The following PDE2A variants were observed in gnomAD, a reference collection of about 807,000 sequenced individuals.
PDE2A encodes the protein cGMP-dependent 3',5'-cyclic phosphodiesterase.
PDE2A carries 53 observed loss-of-function variants against 133.6 expected under a neutral mutation model. The ratio of observed to expected loss-of-function variants is 0.40; its 90% CI spans 0.32 to 0.50. The LOEUF is 0.50. PDE2A is among the 20% of genes least tolerant of loss of function. PDE2A has a pLI of 0.73. For missense variants in PDE2A, 796 were observed against 1,232.4 expected (o/e 0.65, Z 5.30); for synonymous variants, 491 against 490.2 (o/e 1.00, Z -0.02).
At chr11:72,602,625 G>A (rs946497641) in intron 4 of PDE2A, among the ~76,000 whole-genome samples, 1 of 152,160 alleles carries the variant, frequency 6.6e-6, no homozygotes, top group Admixed American at 6.5e-5. Context: ...AAGAGAAGTC[G>A]TTTTCTCAAG....
Position 72,602,147 on chromosome 11 carries a change from G to T in PDE2A, c.323+2991C>A, listed in dbSNP as rs116543745. On this transcript the variant is annotated intron_variant, in intron 4 of 30. Coordinates refer to ENST00000334456, the MANE Select transcript of PDE2A (RefSeq NM_002599.5). ...GATTGGCTGAGATGAAAGTGGAGCA[G>T]GGACGGTCTTTGCAAGGGAGCAAGC... 5.9e-3 allele frequency among the ~76,000 whole-genome samples: 897 copies of T among 152,328 alleles called. 13 individuals are homozygous for T. The highest frequency in any genetic ancestry group is 0.021 in the African/African-American group (857 of 41,562).
chr11:72,647,361 C>T (rs1432534133), intron 1 of PDE2A, among the ~76,000 whole-genome samples: 3 of 152,242 alleles, frequency 2.0e-5, no homozygotes, highest in African/African-American at 7.2e-5. Context: ...TCTCAGACTT[C>T]TCAGCAGCCG....
intron 11 of PDE2A, 85 bp from the exon 12 acceptor site, chr11:72,589,325 G>A: frequency 1.0e-6 from 1 of 995,810 alleles, no homozygotes; most frequent in Non-Finnish European, 1.6e-6. Flanking sequence ...AAATCTGGAA[G>A]TTTCAAAGAA....
At chr11:72,633,386 G>A (rs565503674) in intron 2 of PDE2A, among the ~76,000 whole-genome samples, 1 of 152,330 alleles carries the variant, frequency 6.6e-6, no homozygotes, top group East Asian at 1.9e-4. Flanking sequence ...CCCCAGGACT[G>A]AAGGGGGGAC....
At chr11:72,600,738 G>A (rs58303751) in intron 4 of PDE2A, among the ~76,000 whole-genome samples, 280 of 152,086 alleles carry the variant, frequency 1.8e-3, no homozygotes, top group Non-Finnish European at 2.7e-3. Context: ...CTCATGCTGG[G>A]GGTTGTGGGG....
chr11:72,584,225 G>T lies in PDE2A; in HGVS notation c.1626C>A (p.Ile542=). ...CATGGGCGATGCTGATGCCGCAGTA[G>T]ATGGAGAAGGCCGTCGCCAGGTCCT... ...FDEDLATAFS[I]YCGISIAHSL... Residue 542 remains isoleucine (I), a synonymous_variant, in exon 19 of 31, where the codon ATC becomes ATA. Transcript: ENST00000334456. 6.2e-7 allele frequency: 1 copy of T among 1,607,644 alleles called. No homozygotes were observed. The highest frequency in any genetic ancestry group is 8.5e-7 in the Non-Finnish European group (1 of 1,174,816).
At chr11:72,638,857 A>G (rs1022807707) in intron 2 of PDE2A, among the ~76,000 whole-genome samples, 2 of 152,238 alleles carry the variant, frequency 1.3e-5, no homozygotes, top group Admixed American at 6.5e-5. Context: ...ATGGCTACCC[A>G]AAGCCAGACA....
At chr11:72,579,507 T>TACCCC in intron 26 of PDE2A, 27 bp downstream of exon 26, 1 of 1,354,172 alleles carries the variant, frequency 7.4e-7, no homozygotes, top group Non-Finnish European at 1.0e-6. Flanking sequence ...TCCCCCTCAA[T>TACCCC]CCCCACCCCA....
chr11:72,658,130 T>A (rs1044987601), intron 1 of PDE2A: 1 of 456,120 alleles, frequency 2.2e-6, no homozygotes, highest in Non-Finnish European at 4.4e-6. Context: ...TCTCAGCTAA[T>A]CCTCCCATCC....
chr11:72,634,834 C>A (rs563996363), intron 2 of PDE2A, among the ~76,000 whole-genome samples: 1 of 152,364 alleles, frequency 6.6e-6, no homozygotes, highest in African/African-American at 2.4e-5. Flanking sequence ...CCCTCCTCAG[C>A]CTATACTGAG....
Position 72,590,222 on chromosome 11 carries a change from G to A in PDE2A, c.726C>T (p.Ala242=), listed in dbSNP as rs1224585348. Reference sequence around the variant, plus strand: ...GGAGCACTTTGAGCTGCAGGGAAGAGGCATCCAGGTCGTAGAGTTCCCCTG... The same window carrying A: ...GGAGCACTTTGAGCTGCAGGGAAGAAGCATCCAGGTCGTAGAGTTCCCCTG... ...QLCGELYDLD[A]SSLQLKVLQY... is the part of the protein sequence containing the mutation. Residue 242 remains alanine, a synonymous_variant, in exon 9 of 31, where the codon GCC becomes GCT. Coordinates refer to ENST00000334456, the MANE Select transcript of PDE2A (RefSeq NM_002599.5). This position sits in a 1 kb window ranked among gnomAD's most constrained non-coding sequence, Gnocchi z 4.8. 2 of 1,551,608 alleles carry A rather than the reference G, an allele frequency of 1.3e-6. No homozygotes were observed. The highest frequency in any genetic ancestry group is 1.7e-6 in the Non-Finnish European group (2 of 1,146,964).
intron 2 of PDE2A, among the ~76,000 whole-genome samples, chr11:72,634,103 GAGACGAGACCTCACGGGGAT>G (rs931545616): frequency 6.6e-6 from 1 of 152,202 alleles, no homozygotes; most frequent in African/African-American, 2.4e-5. Context: ...GAGAGCGCCA[GAGACGAGACCTCACGGGGAT>G]GGGGAGGGCC....
rs147043467 is a variant in PDE2A, at chr11:72,664,183, G to A, written c.71+9954C>T. On this transcript the variant is annotated intron_variant, in intron 1 of 30. Coordinates refer to ENST00000334456, the MANE Select transcript of PDE2A (RefSeq NM_002599.5). ...TCATGGAGCTGGGGCACTCTCCTCG[G>A]CCCCCCTCTGCCAACGCCCCTGGCC... 4.6e-5 allele frequency among the ~76,000 whole-genome samples: 7 copies of A among 152,104 alleles called. No individual in the cohort carries two copies. In the East Asian group the frequency reaches 1.4e-3, roughly 30 times the overall value.
chr11:72,617,078 G>C (rs1857510842), intron 2 of PDE2A, among the ~76,000 whole-genome samples: 1 of 152,232 alleles, frequency 6.6e-6, no homozygotes, highest in Non-Finnish European at 1.5e-5. Flanking sequence ...CCTTGTCCCA[G>C]AGTCCTGCTT....
chr11:72,584,015 T>G (rs78960769), intron 19 of PDE2A, among the ~76,000 whole-genome samples, 186 bp downstream of exon 19: 6,482 of 152,140 alleles, frequency 0.043, 486 homozygotes, highest in African/African-American at 0.15. Flanking sequence ...ATGCCCAATT[T>G]TTAGATGGGA....
At chr11:72,663,112 C>A (rs1268026884) in intron 1 of PDE2A, among the ~76,000 whole-genome samples, 1 of 152,218 alleles carries the variant, frequency 6.6e-6, no homozygotes, top group African/African-American at 2.4e-5. Flanking sequence ...GCGGTCCCAG[C>A]ACTCACCCGA....
intron 1 of PDE2A, chr11:72,643,552 A>C (rs983976709): frequency 6.6e-6 from 1 of 152,002 alleles, no homozygotes; most frequent in Non-Finnish European, 1.5e-5. Context: ...ATGTGGTCTG[A>C]CCTGAATCCC....
chr11:72,578,357 T>G lies in PDE2A; in HGVS notation c.2509-18A>C. On this transcript the variant is annotated intron_variant, in intron 29 of 30. Transcript: ENST00000334456. The surrounding 1 kb of genome is among the most constrained non-coding windows in gnomAD (Gnocchi z 4.2). The stretch of plus-strand genomic sequence containing the variant: ...GCCTTCTCCTGCAGGCATCGAGTCG[T>G]CAGGCCTGTCCCTCTCATTCCTCCA... 5 of 1,592,920 alleles carry G rather than the reference T, an allele frequency of 3.1e-6. No homozygotes were observed. Among genetic ancestry groups the G allele is most frequent in the Non-Finnish European group, 4.3e-6 (5 of 1,160,756 alleles).
Position 72,578,499 on chromosome 11 carries a change from C to T in PDE2A, c.2485G>A (p.Glu829Lys). ...ACCAGGTCTCCCTGGGAGAAGAATT[C>T]TTTGTAGATCAGCTCCTGAAAGGCC... ...TRKIAELIYK[E>K]FFSQGDLEKA... Residue 829 changes from glutamate (E) to lysine (K), a missense_variant, in exon 29 of 31, where the codon GAA (glutamate) becomes AAA (lysine). Around this residue, in one of 7 missense-constraint regions of PDE2A, gnomAD observed 28 missense variants for 86.0 expected, o/e 0.33. Coordinates refer to ENST00000334456, the MANE Select transcript of PDE2A (RefSeq NM_002599.5). This position sits in a 1 kb window ranked among gnomAD's most constrained non-coding sequence, Gnocchi z 4.2. 1.9e-6 allele frequency: 3 copies of T among 1,613,366 alleles called. No homozygotes were observed. The highest frequency in any genetic ancestry group is 2.5e-6 in the Non-Finnish European group (3 of 1,179,300).
Sources: gnomAD v4.1 joint callset for allele counts (sites outside exome capture counted in the v4.1 genomes callset) on GRCh38, gnomAD v4.1.1 for gene constraint, gnomAD v4.1.1 regional missense constraint, Gnocchi (gnomAD v3.1) non-coding constraint, MANE v1.5 for transcripts, NCBI Gene and HGNC (gene_info 2026-07-23, HGNC 2026-07-21) for gene names.